The following CELF4 variants were observed in gnomAD, a reference collection of about 807,000 sequenced individuals.
CELF4 encodes the protein CUGBP Elav-like family member 4.
A neutral mutation model predicts 59.9 loss-of-function variants in CELF4; 18 were observed. That is an observed-to-expected ratio of 0.30 (90% CI 0.21 to 0.45). The LOEUF (loss-of-function observed/expected upper bound fraction) is 0.45. CELF4 is among the 20% of genes least tolerant of loss of function. The probability of loss-of-function intolerance (pLI) is 1.00; values close to 1 mark genes in which losing one functional copy is unlikely to be tolerated. For synonymous variants in CELF4, 261 were observed against 267.1 expected (o/e 0.98, Z 0.22); for missense variants, 456 against 689.0 (o/e 0.66, Z 3.79).
intron 1 of CELF4, among the ~76,000 whole-genome samples, chr18:37,547,152 G>A (rs9958441): frequency 0.14 from 15,518 of 110,516 alleles, 1,995 homozygotes; most frequent in African/African-American, 0.38. Flanking sequence ...GTATGTGTGT[G>A]TGTGTGTGGT....
intron 3 of CELF4, among the ~76,000 whole-genome samples, chr18:37,293,465 A>G (rs1199009108): frequency 2.6e-5 from 4 of 152,122 alleles, no homozygotes; most frequent in Non-Finnish European, 5.9e-5. Flanking sequence ...AAGGATGCCA[A>G]TCATATTGGA....
rs2099936024 is a variant in CELF4 at position 37,504,922 on chromosome 18, A to G, written c.287-19315T>C. Reference sequence around the variant, plus strand: ...AAAGAAAAGGGCCTGAGCCACAAACAATTTGAGGGCCAGTGAGGATGGTGA... The same window carrying G: ...AAAGAAAAGGGCCTGAGCCACAAACGATTTGAGGGCCAGTGAGGATGGTGA... On this transcript the variant is annotated intron_variant, in intron 1 of 12. Coordinates refer to ENST00000420428, the MANE Select transcript of CELF4 (RefSeq NM_020180.4). Among the ~76,000 whole-genome samples the G allele has an allele frequency of 2.6e-5, 4 of 152,332 alleles. No homozygotes were observed. The South Asian group carries it at 8.3e-4, about 32-fold the overall frequency.
At chr18:37,418,694 G>A (rs2099548792) in intron 2 of CELF4, among the ~76,000 whole-genome samples, 1 of 152,212 alleles carries the variant, frequency 6.6e-6, no homozygotes, top group Admixed American at 6.5e-5. Flanking sequence ...CTGTCTCGTA[G>A]AATTGCTGAG....
chr18:37,421,262 C>T (rs1472689321), intron 2 of CELF4, among the ~76,000 whole-genome samples: 1 of 152,242 alleles, frequency 6.6e-6, no homozygotes, highest in African/African-American at 2.4e-5. Flanking sequence ...ATGAGTAGGG[C>T]TGGGATTAGA....
At chr18:37,365,761 C>T (rs1246860052) in intron 2 of CELF4, among the ~76,000 whole-genome samples, 2 of 152,082 alleles carry the variant, frequency 1.3e-5, no homozygotes, top group African/African-American at 4.8e-5. Context: ...GCTGGGATTA[C>T]AGGTGTGAAC....
chr18:37,320,749 A>C (rs2097085734), intron 3 of CELF4, among the ~76,000 whole-genome samples: 1 of 152,144 alleles, frequency 6.6e-6, no homozygotes, highest in Non-Finnish European at 1.5e-5. Context: ...GCCGGGGACT[A>C]GTGATCAAGA....
At chr18:37,324,095 C>T (rs1341115930) in intron 2 of CELF4, among the ~76,000 whole-genome samples, 1 of 152,168 alleles carries the variant, frequency 6.6e-6, no homozygotes, top group African/African-American at 2.4e-5. Flanking sequence ...TCCCACCACA[C>T]ATCCTGGCAC....
intron 2 of CELF4, among the ~76,000 whole-genome samples, chr18:37,464,135 T>C (rs1053955856): frequency 1.3e-5 from 2 of 152,234 alleles, no homozygotes. Flanking sequence ...TGCTAGCTTC[T>C]AAATTAGCGG....
intron 1 of CELF4, among the ~76,000 whole-genome samples, chr18:37,518,265 A>T (rs138561215): frequency 6.6e-6 from 1 of 152,226 alleles, no homozygotes; most frequent in East Asian, 1.9e-4. Flanking sequence ...AATGAAGAAG[A>T]GTTTCAGCCC....
chr18:37,355,988 G>C (rs2098556739), intron 2 of CELF4, among the ~76,000 whole-genome samples: 1 of 152,166 alleles, frequency 6.6e-6, no homozygotes, highest in Admixed American at 6.5e-5. Flanking sequence ...GTCTTCGTCA[G>C]CCACAGGCAC....
intron 2 of CELF4, among the ~76,000 whole-genome samples, chr18:37,329,924 A>G (rs992098162): frequency 6.6e-6 from 1 of 152,188 alleles, no homozygotes; most frequent in Non-Finnish European, 1.5e-5. Context: ...CCCACCAGAC[A>G]TCAGGCGTTT....
chr18:37,425,577 T>A (rs887144099), intron 2 of CELF4, among the ~76,000 whole-genome samples: 5 of 152,058 alleles, frequency 3.3e-5, no homozygotes, highest in African/African-American at 1.2e-4. Flanking sequence ...AAAAGGAGAG[T>A]GCACTGCCTT....
intron 1 of CELF4, among the ~76,000 whole-genome samples, chr18:37,520,507 G>A (rs1245550548): frequency 1.3e-5 from 2 of 151,920 alleles, no homozygotes; most frequent in Non-Finnish European, 2.9e-5. Flanking sequence ...TCAGCTGGCA[G>A]AGGGTAACAG....
At chr18:37,364,056 T>C (rs1253273937) in intron 2 of CELF4, among the ~76,000 whole-genome samples, 3 of 152,240 alleles carry the variant, frequency 2.0e-5, no homozygotes, top group Non-Finnish European at 4.4e-5. Flanking sequence ...CCTCTTTGCC[T>C]GGTGGAGGTC....
rs201656433 is a variant in CELF4 at position 37,449,673 on chromosome 18, T to TG, written c.369+35851_369+35852insC. ...AGAGTAAGGGGAAGGAAGAGCTACT[T>TG]TAGATAAAATGGCCAGGGAAGGCCT... On this transcript the variant is annotated intron_variant, in intron 2 of 12. Coordinates refer to ENST00000420428, the MANE Select transcript of CELF4 (RefSeq NM_020180.4). 3.0e-3 allele frequency among the ~76,000 whole-genome samples: 456 copies of TG among 152,218 alleles called. 9 individuals carry two copies. In the East Asian group the frequency reaches 0.034, roughly 11 times the overall value.
At position 37,565,496 on chromosome 18, in the gene CELF4, T is replaced by C; in HGVS notation, c.146A>G (p.Lys49Arg). 3 of 1,614,148 alleles carry C rather than the reference T, an allele frequency of 1.9e-6. No homozygotes were observed. The highest frequency in any genetic ancestry group is 2.2e-5 in the South Asian group (2 of 91,074). Residue 49 changes from lysine to arginine, a missense_variant, in exon 1 of 13, where the codon AAG (lysine) becomes AGG (arginine). Lys to Arg is a conservative substitution (Grantham distance 26). Coordinates refer to ENST00000420428, the MANE Select transcript of CELF4 (RefSeq NM_020180.4). ...SPGNPSTIPMKDHDAIKLFIG... is the reference protein window; with the variant it reads ...SPGNPSTIPMRDHDAIKLFIG... The stretch of plus-strand genomic sequence containing the variant: ...GAACAGCTTGATGGCATCGTGGTCC[T>C]TCATGGGAATGGTCGACGGGTTCCC...
intron 1 of CELF4, among the ~76,000 whole-genome samples, chr18:37,508,541 T>C (rs1456916712): frequency 6.6e-6 from 1 of 152,222 alleles, no homozygotes; most frequent in East Asian, 1.9e-4. Flanking sequence ...CCTCACCTCC[T>C]GCTGGGTTGA....
chr18:37,545,583 C>T (rs1241519066), intron 1 of CELF4, among the ~76,000 whole-genome samples: 1 of 152,230 alleles, frequency 6.6e-6, no homozygotes, highest in Non-Finnish European at 1.5e-5. Flanking sequence ...CTGGGCCCCA[C>T]TCTGGCCCTT....
intron 2 of CELF4, among the ~76,000 whole-genome samples, chr18:37,482,622 T>C (rs2099871176): frequency 6.6e-6 from 1 of 152,190 alleles, no homozygotes; most frequent in African/African-American, 2.4e-5. Flanking sequence ...GTTTCTGAGC[T>C]TCCACTGATC....
Sources: gnomAD v4.1 joint callset for allele counts (sites outside exome capture counted in the v4.1 genomes callset) on GRCh38, gnomAD v4.1.1 for gene constraint, MANE v1.5 for transcripts, NCBI Gene and HGNC (gene_info 2026-07-23, HGNC 2026-07-21) for gene names.